SMAD9: variants seen among roughly 807,000 people sequenced by gnomAD.
The protein encoded by SMAD9 is MAD homolog 9.
Under a neutral mutation model 46.1 loss-of-function variants are expected in SMAD9, and 36 were observed. The ratio of observed to expected loss-of-function variants is 0.78; its 90% confidence interval spans 0.60 to 1.03. The LOEUF is 1.03. SMAD9 is among the 50% of genes least tolerant of loss of function. SMAD9 has a pLI of 0.00. For missense variants in SMAD9, 572 were observed against 599.8 expected (o/e 0.95, Z 0.48); for synonymous variants, 245 against 237.1 (o/e 1.03, Z -0.31).
chr13:36,901,174 C>A (rs1311719125), intron 1 of SMAD9, among the ~76,000 whole-genome samples: 1 of 152,156 alleles, frequency 6.6e-6, no homozygotes, highest in Non-Finnish European at 1.5e-5. Context: ...GTTTTCAGTT[C>A]TTTCGAGCAT....
intron 1 of SMAD9, among the ~76,000 whole-genome samples, chr13:36,917,187 A>AT (rs1362060093): frequency 6.6e-6 from 1 of 152,174 alleles, no homozygotes; most frequent in African/African-American, 2.4e-5. Context: ...ATGCTAACAG[A>AT]TATCTTGAAA....
intron 1 of SMAD9, among the ~76,000 whole-genome samples, chr13:36,907,801 T>TG (rs2138674565): frequency 6.6e-6 from 1 of 152,362 alleles, no homozygotes; most frequent in South Asian, 2.1e-4. Flanking sequence ...ATTTTACAAA[T>TG]GGAGTTTCTC....
chr13:36,850,369 C>G (rs2058064673), intron 6 of SMAD9, among the ~76,000 whole-genome samples: 1 of 151,996 alleles, frequency 6.6e-6, no homozygotes. Flanking sequence ...CTAGAGCCCC[C>G]TTTCTTATTT....
chr13:36,899,722 G>A (rs1442764784), intron 1 of SMAD9, among the ~76,000 whole-genome samples: 2 of 152,142 alleles, frequency 1.3e-5, no homozygotes, highest in African/African-American at 2.4e-5. Flanking sequence ...ACTGAAGGAT[G>A]GAATCCTAAA....
chr13:36,865,838 G>C lies in SMAD9; in HGVS notation c.782-80C>G, dbSNP rs541164249. ...GTTCATGATTCCACCAGGAAACTTA[G>C]TTAATGCTTTTCACCAGAAAGTCGG... On this transcript the variant is annotated intron_variant, in intron 4 of 6. Coordinates refer to ENST00000379826, the MANE Select transcript of SMAD9 (RefSeq NM_001127217.3). 7.2e-5 allele frequency: 85 copies of C among 1,180,214 alleles called. 2 individuals carry two copies. The South Asian group carries it at 1.0e-3, about 14-fold the overall frequency. 73.1% of individuals were successfully genotyped at this position (1,180,214 alleles called of 1,614,324 possible).
intron 2 of SMAD9, among the ~76,000 whole-genome samples, chr13:36,874,359 A>C (rs148238586): frequency 3.9e-5 from 6 of 152,342 alleles, no homozygotes; most frequent in South Asian, 2.1e-4. Flanking sequence ...AGTCACCTAC[A>C]AAGAAATGAG....
At chr13:36,881,543 G>A (rs2058402932) in intron 1 of SMAD9, among the ~76,000 whole-genome samples, 4 of 152,188 alleles carry the variant, frequency 2.6e-5, no homozygotes, top group Admixed American at 2.6e-4. Flanking sequence ...AATAACGGAT[G>A]AGATTTAATA....
At chr13:36,899,106 A>G (rs9547692) in intron 1 of SMAD9, among the ~76,000 whole-genome samples, 10 of 152,086 alleles carry the variant, frequency 6.6e-5, no homozygotes, top group Non-Finnish European at 1.0e-4. Flanking sequence ...ATGTACAAAA[A>G]CAATTACATT....
At chr13:36,851,233 TC>T (rs1016998742) in intron 6 of SMAD9, among the ~76,000 whole-genome samples, 4 of 152,040 alleles carry the variant, frequency 2.6e-5, no homozygotes, top group Non-Finnish European at 4.4e-5. Context: ...TCATCTCACT[TC>T]CCCTGCTCAT....
intron 2 of SMAD9, among the ~76,000 whole-genome samples, chr13:36,876,178 C>A (rs1439615180): frequency 1.3e-5 from 2 of 149,310 alleles, no homozygotes; most frequent in Non-Finnish European, 2.9e-5. Context: ...CTCAGTGTCA[C>A]ACGGGGGGAG....
At chr13:36,897,957 C>T (rs55991775) in intron 1 of SMAD9, among the ~76,000 whole-genome samples, 1,526 of 150,334 alleles carry the variant, frequency 0.01, 29 homozygotes, top group African/African-American at 0.035. Flanking sequence ...CCCAGGTTCA[C>T]GCCATTCTCC....
chr13:36,895,033 C>T (rs2058517250), intron 1 of SMAD9, among the ~76,000 whole-genome samples: 1 of 152,180 alleles, frequency 6.6e-6, no homozygotes, highest in Non-Finnish European at 1.5e-5. Flanking sequence ...ACTTAGCACT[C>T]ACCTCAATCT....
At chr13:36,915,320 G>A (rs1246816490) in intron 1 of SMAD9, among the ~76,000 whole-genome samples, 1 of 152,166 alleles carries the variant, frequency 6.6e-6, no homozygotes, top group Non-Finnish European at 1.5e-5. Context: ...GGCATCCCTG[G>A]CACTCCTAGT....
At chr13:36,903,219 C>T (rs372524352) in intron 1 of SMAD9, among the ~76,000 whole-genome samples, 2 of 151,430 alleles carry the variant, frequency 1.3e-5, no homozygotes, top group Non-Finnish European at 2.9e-5. Context: ...CTCCTCCTCC[C>T]GGATTCAAGA....
rs372807994 is a variant in SMAD9, at chr13:36,904,823, AAG to A, written c.-187+15291_-187+15292del. ...TCTGTAGCTCCAATCTCTCCCATAA[AAG>A]AGGTGTTCAATAAATTCTTATTGTT... On this transcript the variant is annotated intron_variant, in intron 1 of 6. Coordinates refer to ENST00000379826, the MANE Select transcript of SMAD9 (RefSeq NM_001127217.3). Among the ~76,000 whole-genome samples, 75 of 152,342 alleles carry A rather than the reference AAG, an allele frequency of 4.9e-4. No homozygotes were observed. The East Asian group carries it at 0.013, about 27-fold the overall frequency.
intron 5 of SMAD9, among the ~76,000 whole-genome samples, chr13:36,859,033 T>C (rs569628453): frequency 5.5e-4 from 84 of 152,182 alleles, no homozygotes; most frequent in Non-Finnish European, 1.0e-3. Context: ...AAGAAGAAAA[T>C]TGGGATCATA....
chr13:36,875,866 C>T (rs2058341434), intron 2 of SMAD9, among the ~76,000 whole-genome samples: 1 of 152,156 alleles, frequency 6.6e-6, no homozygotes, highest in Non-Finnish European at 1.5e-5. Flanking sequence ...AGAAAGGATA[C>T]ATTTCCCTTT....
intron 1 of SMAD9, among the ~76,000 whole-genome samples, chr13:36,891,215 C>T (rs1037469406): frequency 3.4e-5 from 5 of 148,910 alleles, no homozygotes; most frequent in African/African-American, 1.3e-4. Context: ...CTAAAAAGCC[C>T]TTTAAAACCT....
At chr13:36,850,940 A>G (rs1037969514) in intron 6 of SMAD9, among the ~76,000 whole-genome samples, 9 of 152,116 alleles carry the variant, frequency 5.9e-5, no homozygotes, top group African/African-American at 2.2e-4. Context: ...CGCCTTCACA[A>G]TTCAGAATCC....
Sources: gnomAD v4.1 joint callset for allele counts (sites outside exome capture counted in the v4.1 genomes callset) on GRCh38, gnomAD v4.1.1 for gene constraint, MANE v1.5 for transcripts, NCBI Gene and HGNC (gene_info 2026-07-23, HGNC 2026-07-21) for gene names.